Variants in DOP1B observed in about 807,000 individuals in gnomAD.
DOP1B encodes protein DOP1B.
Under a neutral mutation model 233.5 loss-of-function variants are expected in DOP1B, and 174 were observed. The observed-to-expected ratio is 0.75, with a 90% CI of 0.66 to 0.85. The LOEUF (loss-of-function observed/expected upper bound fraction) is 0.85. Among genes scored for constraint, DOP1B ranks in the 40% least tolerant of loss-of-function variants. The pLI is 0.00. For synonymous variants in DOP1B, 1,190 were observed against 1,185.6 expected, an observed-to-expected ratio of 1.00 and a Z score of -0.08; for missense variants, 2,652 against 2,846.6, an observed-to-expected ratio of 0.93 and a Z score of 1.56.
intron 2 of DOP1B, among the ~76,000 whole-genome samples, chr21:36,198,787 C>T (rs2066323377): frequency 6.6e-6 from 1 of 152,234 alleles, no homozygotes; most frequent in African/African-American, 2.4e-5. Context: ...CTCATGGCTT[C>T]CTGAGATGGA....
chr21:36,238,023 C>T (rs886543434), intron 16 of DOP1B, among the ~76,000 whole-genome samples: 112 of 152,100 alleles, frequency 7.4e-4, no homozygotes, highest in African/African-American at 2.6e-3. Flanking sequence ...CAATATTAGC[C>T]GGGCATGGTG....
Position 36,293,777 on chromosome 21 carries a change from G to A in DOP1B, c.*206G>A. 1.9e-6 allele frequency: 1 copy of A among 525,106 alleles called. No homozygotes were observed. Among genetic ancestry groups the A allele is most frequent in the South Asian group, 2.1e-5 (1 of 48,318 alleles). 32.5% of individuals were successfully genotyped at this position (525,106 alleles called of 1,614,324 possible). ...GCAGGCAGATCACTTGAGGTCAGGA[G>A]TTCGAGACCAGCCTGACCAACATGG... On this transcript the variant is annotated 3_prime_UTR_variant, in exon 37 of 37. Transcript: ENST00000691173.
rs763772038 is a variant in DOP1B, at chr21:36,246,091, G to A, written c.4111G>A (p.Val1371Met). Residue 1371 changes from valine (V) to methionine (M), a missense_variant, in exon 19 of 37, where the codon GTG (valine) becomes ATG (methionine). Val to Met is a conservative substitution (Grantham distance 21, BLOSUM62 1). Coordinates refer to ENST00000691173, the MANE Select transcript of DOP1B (RefSeq NM_001320714.2). This position sits in a 1 kb window ranked among gnomAD's most constrained non-coding sequence, Gnocchi z 5.1. ...SVAKSSEGKNVEFIHSLLQRC... is the reference protein window; with the variant it reads ...SVAKSSEGKNMEFIHSLLQRC... The stretch of plus-strand genomic sequence containing the variant: ...GGCCAAGTCTTCGGAAGGGAAGAAC[G>A]TGGAGTTCATCCACAGCTTGCTGCA... The A allele has an allele frequency of 4.3e-5, 70 of 1,614,010 alleles. No individual in the cohort carries two copies. Among genetic ancestry groups the A allele is most frequent in the Middle Eastern group, 1.6e-4 (1 of 6,084 alleles).
At chr21:36,218,356 C>T (rs991398466) in intron 9 of DOP1B, among the ~76,000 whole-genome samples, 1 of 152,080 alleles carries the variant, frequency 6.6e-6, no homozygotes, top group Admixed American at 6.6e-5. Flanking sequence ...AACCCCACCT[C>T]TACTAAAAAT....
At chr21:36,269,092 A>C (rs2067259650) in intron 26 of DOP1B, among the ~76,000 whole-genome samples, 1 of 152,220 alleles carries the variant, frequency 6.6e-6, no homozygotes, top group Non-Finnish European at 1.5e-5. Context: ...AGTGCAAAAC[A>C]CACATTGGAT....
At position 36,223,844 on chromosome 21, in the gene DOP1B, G is replaced by A. The variant is rs377419655; in HGVS notation, c.1370+494G>A. 7.9e-5 allele frequency among the ~76,000 whole-genome samples: 12 copies of A among 152,190 alleles called. No individual in the cohort carries two copies. The South Asian group carries it at 8.3e-4, about 11-fold the overall frequency. ...CCACCCCTAAATTGTTTGCAGTGGC[G>A]TACCCCAGGAATACCGAGCTTTCCT... On this transcript the variant is annotated intron_variant, in intron 11 of 36. Coordinates refer to ENST00000691173, the MANE Select transcript of DOP1B (RefSeq NM_001320714.2).
intron 24 of DOP1B, 128 bp downstream of exon 24, chr21:36,260,860 T>C: frequency 2.0e-6 from 3 of 1,515,942 alleles, no homozygotes; most frequent in Non-Finnish European, 2.6e-6. Context: ...TATCTTAAAG[T>C]TGTCATAATT....
At chr21:36,292,273 G>GTTTT (rs1569075433) in intron 36 of DOP1B, 40 bp downstream of exon 36, 13 of 1,381,700 alleles carry the variant, frequency 9.4e-6, no homozygotes, top group African/African-American at 4.6e-5. Flanking sequence ...TTTTTTTTTG[G>GTTTT]TGAGACAGAG....
At chr21:36,183,642 G>C (rs1250792456) in intron 2 of DOP1B, among the ~76,000 whole-genome samples, 9 of 152,252 alleles carry the variant, frequency 5.9e-5, no homozygotes, top group African/African-American at 1.7e-4. Flanking sequence ...CATGGCGGAG[G>C]CACCATTCCA....
At chr21:36,213,299 A>C (rs1235918605) in intron 7 of DOP1B, among the ~76,000 whole-genome samples, 1 of 152,154 alleles carries the variant, frequency 6.6e-6, no homozygotes, top group African/African-American at 2.4e-5. Context: ...TGTGGAGGAC[A>C]CTGGGCCTGA....
At chr21:36,289,488 G>A (rs2067533015) in intron 35 of DOP1B, among the ~76,000 whole-genome samples, 1 of 147,926 alleles carries the variant, frequency 6.8e-6, no homozygotes, top group Admixed American at 6.9e-5. Context: ...TTTTGCTACT[G>A]AATGCTTATA....
At position 36,214,528 on chromosome 21, in the gene DOP1B, C is replaced by A; in HGVS notation, c.1101C>A (p.Leu367=). ...CATACCTGAAGCCTTTTCGCGTCCT[C>A]ATCAGTCTGCTTGACAAGCCAGAAA... ...HHAYLKPFRV[L]ISLLDKPEIG... Residue 367 remains leucine, a synonymous_variant, in exon 9 of 37, where the codon CTC becomes CTA. Coordinates refer to ENST00000691173, the MANE Select transcript of DOP1B (RefSeq NM_001320714.2). 1 of 1,613,996 alleles carries A rather than the reference C, an allele frequency of 6.2e-7. No homozygotes were observed. The highest frequency in any genetic ancestry group is 8.5e-7 in the Non-Finnish European group (1 of 1,180,024).
chr21:36,209,917 CT>C (rs1170125957), intron 5 of DOP1B, among the ~76,000 whole-genome samples: 1 of 152,132 alleles, frequency 6.6e-6, no homozygotes, highest in Non-Finnish European at 1.5e-5. Context: ...TTCCATTTCT[CT>C]TTGCAAAATG....
chr21:36,234,819 G>A (rs1156364781), intron 15 of DOP1B, among the ~76,000 whole-genome samples: 1 of 152,112 alleles, frequency 6.6e-6, no homozygotes, highest in Non-Finnish European at 1.5e-5. Flanking sequence ...TTACAGGCGT[G>A]AGCCACCGCA....
rs1260318495 is a variant in DOP1B, at chr21:36,293,589, T to G, written c.*18T>G. ...AATGTTAACCATGTGAGAGAGAATA[T>G]GTTTAATCCATGTATTGGTACTTTA... On this transcript the variant is annotated 3_prime_UTR_variant, in exon 37 of 37. Coordinates refer to ENST00000691173, the MANE Select transcript of DOP1B (RefSeq NM_001320714.2). 2.5e-6 allele frequency: 4 copies of G among 1,612,452 alleles called. No individual in the cohort carries two copies. The South Asian group carries it at 4.4e-5, about 18-fold the overall frequency.
At chr21:36,253,160 T>C (rs1372266341) in intron 22 of DOP1B, among the ~76,000 whole-genome samples, 1 of 152,234 alleles carries the variant, frequency 6.6e-6, no homozygotes, top group Non-Finnish European at 1.5e-5. Flanking sequence ...ATGCCTCCCA[T>C]ACCAGGGCTT....
At chr21:36,231,824 C>A (rs574789031) in intron 14 of DOP1B, among the ~76,000 whole-genome samples, 13 of 149,594 alleles carry the variant, frequency 8.7e-5, no homozygotes, top group African/African-American at 3.0e-4. Context: ...ACTACAGGCA[C>A]GTGCCACTAC....
chr21:36,200,150 C>A (rs1390134697), intron 3 of DOP1B, among the ~76,000 whole-genome samples, 181 bp from the exon 4 acceptor site: 1 of 151,746 alleles, frequency 6.6e-6, no homozygotes, highest in Admixed American at 6.6e-5. Flanking sequence ...CGGACAGCTT[C>A]ATTGCTGGCT....
At chr21:36,169,969 T>G in intron 2 of DOP1B, 1 of 765,124 alleles carries the variant, frequency 1.3e-6, no homozygotes, top group Non-Finnish European at 2.4e-6. Context: ...CTCTACCACC[T>G]CCTTCACTTT....
Sources: gnomAD v4.1 joint callset for allele counts (sites outside exome capture counted in the v4.1 genomes callset) on GRCh38, gnomAD v4.1.1 for gene constraint, Gnocchi (gnomAD v3.1) non-coding constraint, MANE v1.5 for transcripts, NCBI Gene and HGNC (gene_info 2026-07-23, HGNC 2026-07-21) for gene names.